The following CENPW variants were observed in gnomAD, a reference collection of about 807,000 sequenced individuals.
CENPW encodes the protein centromere protein W, also known as cancer-up-regulated gene 2 protein.
In CENPW, 3 loss-of-function variants were observed where a neutral mutation model predicts 11.1. The ratio of observed to expected loss-of-function variants is 0.27; its 90% CI spans 0.12 to 0.70. The LOEUF is 0.70. CENPW is among the 30% of genes least tolerant of loss of function. The pLI is 0.77. For synonymous variants in CENPW, 38 were observed against 42.0 expected (o/e 0.91, Z 0.37); for missense variants, 100 against 105.6 (o/e 0.95, Z 0.23).
chr6:126,406,130 C>CTA, the CENPW span, among the ~76,000 whole-genome samples: 3 of 152,116 alleles, frequency 2.0e-5, no homozygotes, highest in Non-Finnish European at 4.4e-5. Context: ...TACATCCTTT[C>CTA]TATACATAAC....
the CENPW span, among the ~76,000 whole-genome samples, chr6:126,389,561 A>ACG: frequency 4.6e-5 from 7 of 151,660 alleles, no homozygotes; most frequent in Non-Finnish European, 7.4e-5. Context: ...ACACACACAC[A>ACG]CGCGTGCACA....
the CENPW span, among the ~76,000 whole-genome samples, chr6:126,359,079 C>A: frequency 1.3e-5 from 2 of 151,580 alleles, no homozygotes; most frequent in Admixed American, 6.6e-5. Context: ...TACAGAATTT[C>A]CTCTTAACAC....
At chr6:126,424,443 C>T in the CENPW span, among the ~76,000 whole-genome samples, 3 of 152,062 alleles carry the variant, frequency 2.0e-5, no homozygotes, top group Non-Finnish European at 4.4e-5. Context: ...TCTCACAATT[C>T]AGAAACATAT....
chr6:126,350,861 TATAA>T (rs1264537254), downstream of CENPW, among the ~76,000 whole-genome samples: 1 of 151,608 alleles, frequency 6.6e-6, no homozygotes, highest in East Asian at 1.9e-4. Context: ...CAAAAATAGT[TATAA>T]ATAAATAGGA....
the CENPW span, among the ~76,000 whole-genome samples, chr6:126,474,921 T>C: frequency 1.5e-3 from 226 of 152,264 alleles, no homozygotes; most frequent in Non-Finnish European, 2.6e-3. Flanking sequence ...AAGCAGATTT[T>C]AGGTGCCTGC....
the CENPW span, among the ~76,000 whole-genome samples, chr6:126,450,388 A>G: frequency 6.6e-6 from 1 of 151,028 alleles, no homozygotes; most frequent in African/African-American, 2.4e-5. Flanking sequence ...GAAACACTGA[A>G]TTATACAGCA....
the CENPW span, among the ~76,000 whole-genome samples, chr6:126,355,201 T>C: frequency 6.6e-6 from 1 of 152,168 alleles, no homozygotes; most frequent in Non-Finnish European, 1.5e-5. Context: ...TTAATTATTA[T>C]CTTGTTAATC....
Position 126,340,165 on chromosome 6 carries a change from A to C in CENPW, c.-109A>C. ...TTCGGACTGAGGTTTTTCTGCCTGAAGAAGCGTCATACGGACCGGATTGTT... is the reference window on the plus strand; with the variant it reads ...TTCGGACTGAGGTTTTTCTGCCTGACGAAGCGTCATACGGACCGGATTGTT... On this transcript the variant is annotated 5_prime_UTR_variant, in exon 1 of 3. Transcript: ENST00000368328. 25 of 1,017,854 alleles carry C rather than the reference A, an allele frequency of 2.5e-5. No individual in the cohort carries two copies. The highest frequency in any genetic ancestry group is 3.7e-5 in the Non-Finnish European group (25 of 676,056). 63.1% of individuals were successfully genotyped at this position (1,017,854 alleles called of 1,614,324 possible). A position where few individuals can be genotyped will look rare whatever the true frequency, so the allele number is the denominator to read the frequency against.
the CENPW span, among the ~76,000 whole-genome samples, chr6:126,428,011 G>A: frequency 1.3e-5 from 2 of 152,138 alleles, no homozygotes; most frequent in East Asian, 1.9e-4. Flanking sequence ...CTCTCCTAAC[G>A]AAATTACCAA....
the CENPW span, among the ~76,000 whole-genome samples, chr6:126,483,098 A>G: frequency 6.6e-6 from 1 of 151,906 alleles, no homozygotes; most frequent in Non-Finnish European, 1.5e-5. Flanking sequence ...GTTATTATAA[A>G]TGATTTTGCT....
At chr6:126,361,863 C>T in the CENPW span, among the ~76,000 whole-genome samples, 3 of 152,156 alleles carry the variant, frequency 2.0e-5, no homozygotes, top group Non-Finnish European at 4.4e-5. Flanking sequence ...AAAGTGGGGG[C>T]TCCTCTGCTT....
At chr6:126,349,565 TG>T (rs568098633), downstream of CENPW, among the ~76,000 whole-genome samples, 1 of 152,176 alleles carries the variant, frequency 6.6e-6, no homozygotes, top group Non-Finnish European at 1.5e-5. Flanking sequence ...AGGTAACCTT[TG>T]GGCATTGGAT....
chr6:126,462,541 C>A, the CENPW span, among the ~76,000 whole-genome samples: 2 of 150,808 alleles, frequency 1.3e-5, no homozygotes, highest in Non-Finnish European at 3.0e-5. Context: ...CTCACACACA[C>A]ACACACACAC....
chr6:126,447,674 A>G, the CENPW span, among the ~76,000 whole-genome samples: 2 of 151,238 alleles, frequency 1.3e-5, no homozygotes, highest in South Asian at 4.2e-4. Context: ...TGACTGCTTT[A>G]TACTTTATGT....
the CENPW span, among the ~76,000 whole-genome samples, chr6:126,385,980 A>G: frequency 1.3e-5 from 2 of 152,130 alleles, no homozygotes; most frequent in African/African-American, 4.8e-5. Flanking sequence ...TCAGATAACT[A>G]GAATTCAGTT....
the CENPW span, among the ~76,000 whole-genome samples, chr6:126,440,171 A>G: frequency 4.0e-5 from 6 of 151,666 alleles, no homozygotes; most frequent in East Asian, 1.2e-3. Flanking sequence ...AAGGAAGAAG[A>G]GTTTTAAAGA....
the CENPW span, among the ~76,000 whole-genome samples, chr6:126,415,395 A>G: frequency 2.4e-4 from 36 of 152,304 alleles, no homozygotes; most frequent in African/African-American, 8.4e-4. Flanking sequence ...CTGAATAAAT[A>G]TTATTTAAAT....
At chr6:126,396,930 C>A in the CENPW span, among the ~76,000 whole-genome samples, 5 of 151,888 alleles carry the variant, frequency 3.3e-5, no homozygotes, top group Non-Finnish European at 7.4e-5. Flanking sequence ...GTCTAAGATG[C>A]AAGACAAAGT....
the CENPW span, among the ~76,000 whole-genome samples, chr6:126,369,694 A>G: frequency 2.6e-5 from 4 of 152,086 alleles, no homozygotes; most frequent in Non-Finnish European, 1.5e-5. Flanking sequence ...TGTCAGAGTT[A>G]TAGATTGCAA....
Sources: allele counts gnomAD v4.1 joint callset (sites outside exome capture counted in the v4.1 genomes callset), GRCh38; gene constraint gnomAD v4.1.1; transcripts MANE v1.5; gene names NCBI Gene and HGNC (gene_info 2026-07-23, HGNC 2026-07-21).